The following TPO variants were observed in gnomAD, a reference collection of about 807,000 sequenced individuals.
The protein encoded by TPO is thyroid peroxidase, also known as thyroid microsomal antigen.
Under a neutral mutation model 96.9 loss-of-function variants are expected in TPO, and 78 were observed. That is an observed-to-expected ratio of 0.81 (90% CI 0.67 to 0.97). The LOEUF (loss-of-function observed/expected upper bound fraction) is 0.97. Ranked by LOEUF, TPO falls within the 50% of genes least tolerant of loss-of-function variation. The pLI is 0.00. For missense variants in TPO, 1,252 were observed against 1,274.8 expected (o/e 0.98, Z 0.27); for synonymous variants, 547 against 538.0 (o/e 1.02, Z -0.23).
chr2:1,454,918 C>T (rs1667650537), intron 6 of TPO, among the ~76,000 whole-genome samples: 1 of 152,210 alleles, frequency 6.6e-6, no homozygotes, highest in South Asian at 2.1e-4. Context: ...CTGAAAACAA[C>T]ATAAATGTGA....
chr2:1,382,089 T>C (rs1202415965), intron 1 of TPO, among the ~76,000 whole-genome samples: 1 of 152,112 alleles, frequency 6.6e-6, no homozygotes, highest in Admixed American at 6.6e-5. Flanking sequence ...AGCTCCCTGA[T>C]GCATTAAACC....
intron 7 of TPO, among the ~76,000 whole-genome samples, chr2:1,474,232 C>T (rs1240854636): frequency 6.6e-6 from 1 of 152,132 alleles, no homozygotes; most frequent in Non-Finnish European, 1.5e-5. Context: ...ATTTTAAGTA[C>T]CTATGATATT....
intron 1 of TPO, among the ~76,000 whole-genome samples, chr2:1,397,810 T>C (rs1662105654): frequency 6.6e-6 from 1 of 152,126 alleles, no homozygotes; most frequent in African/African-American, 2.4e-5. Flanking sequence ...TTTCCGATCC[T>C]CTCTGCACAA....
At position 1,492,230 on chromosome 2, in the gene TPO, C is replaced by T. The variant is rs150258532; in HGVS notation, c.1769-1572C>T. Among the ~76,000 whole-genome samples the T allele has an allele frequency of 3.9e-5, 6 of 152,314 alleles. No homozygotes were observed. The East Asian group carries it at 9.7e-4, about 25-fold the overall frequency. On this transcript the variant is annotated intron_variant, in intron 10 of 16. Coordinates refer to ENST00000329066, the MANE Select transcript of TPO (RefSeq NM_001206744.2). Reference sequence around the variant, plus strand: ...AGAGCAATGGGGTGATCTCGGCTCACGGCAACCTCCGTCTCCCAGGTTCAA... The same window carrying T: ...AGAGCAATGGGGTGATCTCGGCTCATGGCAACCTCCGTCTCCCAGGTTCAA...
chr2:1,524,611 C>G (rs1171140629), intron 15 of TPO, among the ~76,000 whole-genome samples: 1 of 116,728 alleles, frequency 8.6e-6, no homozygotes, highest in Non-Finnish European at 1.9e-5. Context: ...AATCCGCTCA[C>G]TGTGTGCAAC....
In TPO at chr2:1,456,231, G is replaced by C. The variant is rs750094672; in HGVS notation, c.768G>C (p.Gly256=). Residue 256 remains glycine (G), a synonymous_variant, in exon 7 of 17, where the codon GGG becomes GGC. Transcript: ENST00000329066. The stretch of plus-strand genomic sequence containing the variant: ...CCAGCAAAGCTGCCTTCGGGGGAGG[G>C]GCTGACTGCCAGATGACTTGTGAGA... ...QSTSKAAFGG[G]ADCQMTCENQ... is the part of the protein sequence containing the mutation. The C allele has an allele frequency of 3.7e-6, 6 of 1,614,000 alleles. No individual in the cohort carries two copies. In the East Asian group the frequency reaches 1.3e-4, roughly 36 times the overall value.
intron 5 of TPO, among the ~76,000 whole-genome samples, chr2:1,437,669 A>G (rs1665717415): frequency 6.6e-6 from 1 of 152,230 alleles, no homozygotes; most frequent in African/African-American, 2.4e-5. Flanking sequence ...TTTGAGCTGT[A>G]AGAGCTTGTT....
chr2:1,456,067 C>T lies in TPO; in HGVS notation c.613-9C>T, dbSNP rs754861009. ...CCTATGTCCTGACCAATGGTCTCTT[C>T]CTACCCAGGTCCGGGAGGTGACAAG... On this transcript the variant is annotated splice_polypyrimidine_tract_variant and intron_variant, in intron 6 of 16. Transcript: ENST00000329066. 1.2e-6 allele frequency: 2 copies of T among 1,613,068 alleles called. No homozygotes were observed. The highest frequency in any genetic ancestry group is 1.1e-5 in the South Asian group (1 of 90,718).
chr2:1,516,008 G>A (rs1674664033), intron 14 of TPO, among the ~76,000 whole-genome samples: 2 of 152,172 alleles, frequency 1.3e-5, no homozygotes, highest in South Asian at 2.1e-4. Flanking sequence ...CAGAAAAGTC[G>A]GTAATAAAAC....
intron 1 of TPO, among the ~76,000 whole-genome samples, chr2:1,392,316 G>A (rs962398566): frequency 6.6e-6 from 1 of 152,130 alleles, no homozygotes; most frequent in Non-Finnish European, 1.5e-5. Context: ...TCATTGATTT[G>A]CATATGTTGA....
intron 1 of TPO, among the ~76,000 whole-genome samples, chr2:1,414,017 T>C (rs1054478604): frequency 6.6e-6 from 1 of 152,212 alleles, no homozygotes; most frequent in Non-Finnish European, 1.5e-5. Flanking sequence ...TTTCTAATAG[T>C]ACTCACTTTT....
chr2:1,429,118 T>G (rs971309134), intron 3 of TPO, among the ~76,000 whole-genome samples: 30 of 152,218 alleles, frequency 2.0e-4, no homozygotes, highest in African/African-American at 6.3e-4. Context: ...ATATGGTGAG[T>G]GATTTGCCCC....
chr2:1,441,942 G>C (rs573651284), intron 5 of TPO, among the ~76,000 whole-genome samples: 2 of 152,314 alleles, frequency 1.3e-5, no homozygotes, highest in East Asian at 3.9e-4. Flanking sequence ...TTGTGGGAGG[G>C]ACCAGGTGGG....
intron 13 of TPO, 171 bp from the exon 14 acceptor site, chr2:1,503,777 C>T (rs1311414280): frequency 7.2e-6 from 9 of 1,253,170 alleles, no homozygotes; most frequent in African/African-American, 1.5e-5. Context: ...TCCTCATCAC[C>T]TTTTCGGATG....
intron 15 of TPO, among the ~76,000 whole-genome samples, chr2:1,530,385 A>C (rs1490125765): frequency 7.6e-6 from 1 of 131,910 alleles, no homozygotes; most frequent in Non-Finnish European, 1.6e-5. Flanking sequence ...CAGTGTGTGC[A>C]ACTTCCCTAA....
chr2:1,496,770 G>A lies in TPO; in HGVS notation c.2386+5G>A, dbSNP rs1163638028. On this transcript the variant is annotated splice_donor_5th_base_variant and intron_variant, in intron 13 of 16. Coordinates refer to ENST00000329066, the MANE Select transcript of TPO (RefSeq NM_001206744.2). ...TCCAGCCTCCCCTCTGCAAAGGTCA[G>A]TCCTTTCTTCAATGACAATTACAAA... 6 of 1,614,054 alleles carry A rather than the reference G, an allele frequency of 3.7e-6. No homozygotes were observed. The highest frequency in any genetic ancestry group is 5.1e-6 in the Non-Finnish European group (6 of 1,180,052).
chr2:1,409,796 A>ACG (rs1662300692), upstream of TPO, among the ~76,000 whole-genome samples: 1 of 144,656 alleles, frequency 6.9e-6, no homozygotes, highest in African/African-American at 2.8e-5. Context: ...CAGTGCGCGC[A>ACG]CACACACACA....
intron 15 of TPO, among the ~76,000 whole-genome samples, chr2:1,537,432 G>A (rs1311024921): frequency 9.3e-5 from 7 of 75,590 alleles, no homozygotes; most frequent in Admixed American, 2.8e-4. Context: ...CTCCCATTGT[G>A]TGCAAACTCC....
At chr2:1,476,852 G>C (rs1012129086) in intron 7 of TPO, among the ~76,000 whole-genome samples, 6 of 150,930 alleles carry the variant, frequency 4.0e-5, no homozygotes, top group African/African-American at 1.5e-4. Flanking sequence ...GAGCAGGCCA[G>C]GGGGGAGGTG....
Sources: allele counts gnomAD v4.1 joint callset (sites outside exome capture counted in the v4.1 genomes callset), GRCh38; gene constraint gnomAD v4.1.1; transcripts MANE v1.5; gene names NCBI Gene and HGNC (gene_info 2026-07-23, HGNC 2026-07-21).